The following CECR2 variants were observed in gnomAD, a reference collection of about 807,000 sequenced individuals.
CECR2 encodes the protein chromatin remodeling regulator CECR2.
A neutral mutation model predicts 154.5 loss-of-function variants in CECR2; 30 were observed. The ratio of observed to expected loss-of-function variants is 0.19; its 90% confidence interval spans 0.15 to 0.26. CECR2 has a LOEUF of 0.26. CECR2 is among the 10% of genes least tolerant of loss of function. The probability of loss-of-function intolerance (pLI) is 1.00; values close to 1 mark genes in which losing one functional copy is unlikely to be tolerated. For synonymous variants in CECR2, 725 were observed against 683.7 expected, an observed-to-expected ratio of 1.06 and a Z score of -0.94; for missense variants, 1,743 against 1,829.3, an observed-to-expected ratio of 0.95 and a Z score of 0.86.
At chr22:17,474,331 GAGTT>G (rs1426148934) in intron 1 of CECR2, among the ~76,000 whole-genome samples, 1 of 152,148 alleles carries the variant, frequency 6.6e-6, no homozygotes, top group Non-Finnish European at 1.5e-5. Context: ...ATGACTTCAT[GAGTT>G]AGTTACTATA....
At chr22:17,477,546 A>G in intron 1 of CECR2, 42 bp from the exon 2 acceptor site, 1 of 1,348,440 alleles carries the variant, frequency 7.4e-7, no homozygotes, top group South Asian at 1.2e-5. Context: ...ATTTTAAGAA[A>G]TCTCTGTTTG....
At chr22:17,518,495 C>T (rs941034322) in intron 8 of CECR2, among the ~76,000 whole-genome samples, 4 of 152,188 alleles carry the variant, frequency 2.6e-5, no homozygotes, top group Admixed American at 6.5e-5. Flanking sequence ...TCCTTCACCA[C>T]GGAATGTTAT....
chr22:17,487,010 A>G (rs2055433521), intron 2 of CECR2, among the ~76,000 whole-genome samples: 1 of 152,204 alleles, frequency 6.6e-6, no homozygotes, highest in Admixed American at 6.5e-5. Flanking sequence ...CTGGAAGGTC[A>G]CTAATCTAAG....
intron 1 of CECR2, chr22:17,477,022 G>A: frequency 2.9e-6 from 2 of 683,806 alleles, no homozygotes; most frequent in South Asian, 3.2e-5. Flanking sequence ...GATTAGCCTT[G>A]GATCTCGCAA....
At chr22:17,503,690 AT>A (rs1053900090) in intron 6 of CECR2, among the ~76,000 whole-genome samples, 3 of 151,434 alleles carry the variant, frequency 2.0e-5, no homozygotes, top group Admixed American at 1.3e-4. Context: ...TAGACATTAC[AT>A]TTTTTTTTAG....
At chr22:17,381,352 T>C (rs1291798572) in intron 1 of CECR2, among the ~76,000 whole-genome samples, 1 of 151,642 alleles carries the variant, frequency 6.6e-6, no homozygotes, top group Non-Finnish European at 1.5e-5. Flanking sequence ...AGGATGCTTG[T>C]GACACGTAAC....
chr22:17,402,241 T>C (rs921394676), intron 1 of CECR2, among the ~76,000 whole-genome samples: 2 of 152,186 alleles, frequency 1.3e-5, no homozygotes, highest in Non-Finnish European at 2.9e-5. Context: ...TGCCTCGGCC[T>C]CCCAAAGTGC....
At chr22:17,416,150 T>C (rs1165595382) in intron 1 of CECR2, among the ~76,000 whole-genome samples, 1 of 152,190 alleles carries the variant, frequency 6.6e-6, no homozygotes, top group African/African-American at 2.4e-5. Context: ...TGAATATGGC[T>C]CTCTAAATAG....
intron 16 of CECR2, among the ~76,000 whole-genome samples, chr22:17,544,326 A>G (rs1181271361): frequency 1.3e-5 from 2 of 151,230 alleles, no homozygotes. Flanking sequence ...GTGAAACCCC[A>G]TCTCTACTAA....
chr22:17,384,248 T>A (rs901140610), intron 1 of CECR2, among the ~76,000 whole-genome samples: 2 of 152,208 alleles, frequency 1.3e-5, no homozygotes, highest in African/African-American at 4.8e-5. Context: ...TTACAAAATG[T>A]ATTTATTTTA....
At chr22:17,474,341 C>T (rs1166209039) in intron 1 of CECR2, among the ~76,000 whole-genome samples, 5 of 152,154 alleles carry the variant, frequency 3.3e-5, no homozygotes, top group African/African-American at 1.2e-4. Context: ...GAGTTAGTTA[C>T]TATATTCCAG....
intron 1 of CECR2, among the ~76,000 whole-genome samples, chr22:17,446,877 C>G (rs1027821453): frequency 2.0e-5 from 3 of 152,120 alleles, no homozygotes; most frequent in Admixed American, 6.5e-5. Context: ...CGCCCACATC[C>G]TGCTGATTGG....
At position 17,549,215 on chromosome 22, in the gene CECR2, A is replaced by C; in HGVS notation, c.3928A>C (p.Ser1310Arg). 6.2e-7 allele frequency: 1 copy of C among 1,614,056 alleles called. No individual in the cohort carries two copies. Among genetic ancestry groups the C allele is most frequent in the Non-Finnish European group, 8.5e-7 (1 of 1,179,898 alleles). The change falls in exon 17 of 19, where the codon AGC becomes CGC. Residue 1310 changes from serine (S) to arginine (R), a missense_variant. Ser to Arg is a moderately radical substitution (Grantham distance 110, BLOSUM62 -1). Around this residue, in one of 4 missense-constraint regions of CECR2, gnomAD observed 1,250 missense variants for 1,192.1 expected, o/e 1.05. Coordinates refer to ENST00000262608, the MANE Select transcript of CECR2 (RefSeq NM_001290047.2). ...DNHNAATKRQSSLSASEYLYG... is the reference protein window; with the variant it reads ...DNHNAATKRQRSLSASEYLYG... ...CCATAACGCAGCTACCAAGCGGCAG[A>C]GCTCGTTGTCAGCCAGCGAGTATCT...
chr22:17,548,368 G>A lies in CECR2; in HGVS notation c.3081G>A (p.Ser1027=), dbSNP rs201916397. ...KAMKGKNPWP[S]DSSYPGPAAQ... ...TGAAGGGCAAGAATCCCTGGCCCTC[G>A]GATAGCAGCTACCCCGGCCCAGCCG... Residue 1027 remains serine (S), a synonymous_variant, in exon 17 of 19, where the codon TCG becomes TCA. Transcript: ENST00000262608. The A allele has an allele frequency of 4.6e-4, 746 of 1,612,886 alleles. 2 individuals are homozygous for A. Among genetic ancestry groups the A allele is most frequent in the Non-Finnish European group, 6.0e-4 (703 of 1,179,370 alleles).
Position 17,453,613 on chromosome 22 carries a change from T to C in CECR2, c.127-23975T>C, listed in dbSNP as rs538487626. Among the ~76,000 whole-genome samples, 5 of 152,328 alleles carry C rather than the reference T, an allele frequency of 3.3e-5. No homozygotes were observed. The South Asian group carries it at 8.3e-4, about 25-fold the overall frequency. On this transcript the variant is annotated intron_variant, in intron 1 of 18. Coordinates refer to ENST00000262608, the MANE Select transcript of CECR2 (RefSeq NM_001290047.2). ...ACATCTAGAATAGTTTATTACTGTA[T>C]ATAAAAAGGATACATCAACCCTAAA...
intron 8 of CECR2, among the ~76,000 whole-genome samples, chr22:17,513,050 G>A (rs2055987733): frequency 6.6e-6 from 1 of 152,134 alleles, no homozygotes; most frequent in South Asian, 2.1e-4. Context: ...TAAAAGAGTT[G>A]TCCAAGGAGC....
At position 17,509,432 on chromosome 22, in the gene CECR2, T is replaced by C. The variant is rs1411439901; in HGVS notation, c.871-2381T>C. ...CATTTCACCTTGTTTCTTTTCTTTT[T>C]TTTTTTTTTAAACAGAGACAGGGAC... On this transcript the variant is annotated intron_variant, in intron 7 of 18. Transcript: ENST00000262608. Among the ~76,000 whole-genome samples, 4 of 151,040 alleles carry C rather than the reference T, an allele frequency of 2.6e-5. No individual in the cohort carries two copies. The East Asian group carries it at 7.7e-4, about 29-fold the overall frequency.
At chr22:17,401,056 C>T (rs1244209359) in intron 1 of CECR2, among the ~76,000 whole-genome samples, 1 of 151,952 alleles carries the variant, frequency 6.6e-6, no homozygotes, top group African/African-American at 2.4e-5. Flanking sequence ...TGTGAGCCAC[C>T]GCGACCAGTC....
Position 17,479,448 on chromosome 22 carries a change from A to G in CECR2, c.221+1766A>G, listed in dbSNP as rs972950567. On this transcript the variant is annotated intron_variant, in intron 2 of 18. Transcript: ENST00000262608. Reference sequence around the variant, plus strand: ...TAGTTGCCAGTTATGTAATTACAACAGTAAGTGCTTAGAAATAAAAATACA... The same window carrying G: ...TAGTTGCCAGTTATGTAATTACAACGGTAAGTGCTTAGAAATAAAAATACA... Among the ~76,000 whole-genome samples, 4 of 152,222 alleles carry G rather than the reference A, an allele frequency of 2.6e-5. No individual in the cohort carries two copies. The South Asian group carries it at 6.2e-4, about 24-fold the overall frequency.
Sources: allele counts gnomAD v4.1 joint callset (sites outside exome capture counted in the v4.1 genomes callset), GRCh38; gene constraint gnomAD v4.1.1; regional missense constraint gnomAD v4.1.1; transcripts MANE v1.5; gene names NCBI Gene and HGNC (gene_info 2026-07-23, HGNC 2026-07-21).